ZNF407: variants seen among roughly 807,000 people sequenced by gnomAD.
ZNF407 encodes the protein zinc finger protein 407.
ZNF407 carries 17 observed loss-of-function variants against 131.2 expected under a neutral mutation model. The ratio of observed to expected loss-of-function variants is 0.13; its 90% CI spans 0.09 to 0.19. The LOEUF is 0.19. ZNF407 is among the 10% of genes least tolerant of loss of function. The pLI, the probability that ZNF407 is intolerant of heterozygous loss-of-function variation, is 1.00. For synonymous variants in ZNF407, 1,156 were observed against 1,062.0 expected, an observed-to-expected ratio of 1.09 and a Z score of -1.72; for missense variants, 2,681 against 2,830.6, an observed-to-expected ratio of 0.95 and a Z score of 1.20.
chr18:74,614,478 C>G (rs1475468754), intron 1 of ZNF407, among the ~76,000 whole-genome samples: 1 of 152,188 alleles, frequency 6.6e-6, no homozygotes, highest in Non-Finnish European at 1.5e-5. Context: ...ATTCACTTAT[C>G]ACTTCCCACA....
chr18:74,965,926 A>G (rs1972404480), intron 8 of ZNF407, among the ~76,000 whole-genome samples: 2 of 152,206 alleles, frequency 1.3e-5, no homozygotes, highest in Admixed American at 6.5e-5. Flanking sequence ...GATGTTGAGC[A>G]CCTTTCCATA....
At chr18:75,041,133 A>G (rs1246755388) in intron 8 of ZNF407, among the ~76,000 whole-genome samples, 1 of 152,226 alleles carries the variant, frequency 6.6e-6, no homozygotes, top group Non-Finnish European at 1.5e-5. Flanking sequence ...ATGGACGTAG[A>G]AACTGAAGCT....
chr18:74,760,124 T>C, intron 3 of ZNF407, among the ~76,000 whole-genome samples: 1 of 152,182 alleles, frequency 6.6e-6, no homozygotes, highest in East Asian at 1.9e-4. Flanking sequence ...GAATGTATTT[T>C]GTAACGTCTG....
At chr18:74,672,628 C>T (rs1032507463) in intron 3 of ZNF407, among the ~76,000 whole-genome samples, 1 of 151,334 alleles carries the variant, frequency 6.6e-6, no homozygotes. Context: ...CATTGGAGCA[C>T]TGTTTATTCA....
intron 1 of ZNF407, among the ~76,000 whole-genome samples, chr18:74,619,231 A>C (rs1419342656): frequency 6.6e-6 from 1 of 152,194 alleles, no homozygotes; most frequent in African/African-American, 2.4e-5. Flanking sequence ...GAACTGAGGA[A>C]TCTTAGTCCC....
intron 8 of ZNF407, among the ~76,000 whole-genome samples, chr18:74,974,469 T>C (rs1477924864): frequency 6.6e-6 from 1 of 152,218 alleles, no homozygotes; most frequent in Non-Finnish European, 1.5e-5. Flanking sequence ...CATCTCACTT[T>C]TTCCCCCCAA....
intron 8 of ZNF407, among the ~76,000 whole-genome samples, chr18:75,026,823 T>C (rs1035233600): frequency 4.6e-5 from 7 of 152,210 alleles, no homozygotes; most frequent in African/African-American, 1.7e-4. Context: ...CTTCAGAACC[T>C]CGTGCCCTCA....
intron 3 of ZNF407, among the ~76,000 whole-genome samples, chr18:74,756,589 TG>T (rs1968969222): frequency 6.6e-6 from 1 of 152,216 alleles, no homozygotes; most frequent in South Asian, 2.1e-4. Flanking sequence ...GATTTTTCTT[TG>T]TTAGTGCATA....
intron 6 of ZNF407, among the ~76,000 whole-genome samples, chr18:74,887,447 A>G (rs1462961147): frequency 6.6e-6 from 1 of 152,122 alleles, no homozygotes; most frequent in Non-Finnish European, 1.5e-5. Context: ...TGCTTGGTAT[A>G]TAGTCTTTAA....
intron 3 of ZNF407, among the ~76,000 whole-genome samples, chr18:74,713,438 T>A (rs1181056083): frequency 1.3e-5 from 2 of 151,464 alleles, no homozygotes; most frequent in East Asian, 3.9e-4. Context: ...TAAAACATAG[T>A]TTCATTTAAA....
intron 8 of ZNF407, among the ~76,000 whole-genome samples, chr18:74,991,745 A>T (rs137900006): frequency 1.3e-5 from 2 of 152,290 alleles, no homozygotes; most frequent in African/African-American, 2.4e-5. Flanking sequence ...CCATCACTAC[A>T]TCACTTAATC....
Position 74,811,445 on chromosome 18 carries a change from C to A in ZNF407, c.4877+29943C>A, listed in dbSNP as rs188771092. 8.2e-3 allele frequency among the ~76,000 whole-genome samples: 1,241 copies of A among 152,144 alleles called. 20 individuals are homozygous for A. Among genetic ancestry groups the A allele is most frequent in the African/African-American group, 0.029 (1,185 of 41,488 alleles). ...TTGATGGGACTGTAAACTAGTTCAA[C>A]CATTGTGGAAGTCAGTGTGGCTATT... On this transcript the variant is annotated intron_variant, in intron 4 of 8. Transcript: ENST00000299687.
chr18:74,943,185 A>C (rs112798045), intron 8 of ZNF407, among the ~76,000 whole-genome samples: 8 of 152,212 alleles, frequency 5.3e-5, no homozygotes, highest in African/African-American at 1.9e-4. Flanking sequence ...CAAAGTGCTG[A>C]GATTACAGGT....
At chr18:74,861,538 A>T (rs182546016) in intron 4 of ZNF407, among the ~76,000 whole-genome samples, 1 of 152,370 alleles carries the variant, frequency 6.6e-6, no homozygotes, top group Admixed American at 6.5e-5. Context: ...AAAAGAATAG[A>T]CAACATATTC....
intron 4 of ZNF407, among the ~76,000 whole-genome samples, chr18:74,797,433 T>C (rs2145062435): frequency 1.3e-5 from 2 of 152,296 alleles, no homozygotes; most frequent in African/African-American, 4.8e-5. Flanking sequence ...ATGGTACCAG[T>C]GGGTAGATGA....
At chr18:74,765,983 A>T (rs1437213660) in intron 3 of ZNF407, among the ~76,000 whole-genome samples, 1 of 151,600 alleles carries the variant, frequency 6.6e-6, no homozygotes, top group African/African-American at 2.4e-5. Context: ...AGACATTTAG[A>T]GCCACTGTGA....
chr18:74,760,191 A>G (rs1336336352), intron 3 of ZNF407, among the ~76,000 whole-genome samples: 1 of 152,202 alleles, frequency 6.6e-6, no homozygotes, highest in Non-Finnish European at 1.5e-5. Flanking sequence ...AGTGGAAGAC[A>G]CATATTTCTT....
At chr18:74,884,583 A>G (rs1971282607) in intron 6 of ZNF407, among the ~76,000 whole-genome samples, 2 of 152,170 alleles carry the variant, frequency 1.3e-5, no homozygotes, top group South Asian at 4.1e-4. Context: ...CTTGCTTAAT[A>G]TTACACAATG....
intron 7 of ZNF407, among the ~76,000 whole-genome samples, chr18:74,910,182 G>A (rs2145222032): frequency 6.6e-6 from 1 of 152,256 alleles, no homozygotes; most frequent in African/African-American, 2.4e-5. Flanking sequence ...AAAACTGTTA[G>A]GAGATCACAG....
Sources: gnomAD v4.1 joint callset for allele counts (sites outside exome capture counted in the v4.1 genomes callset) on GRCh38, gnomAD v4.1.1 for gene constraint, MANE v1.5 for transcripts, NCBI Gene and HGNC (gene_info 2026-07-23, HGNC 2026-07-21) for gene names.